TNRC6B: variants seen among roughly 807,000 people sequenced by gnomAD.
TNRC6B encodes trinucleotide repeat containing adaptor 6B.
In TNRC6B, 52 loss-of-function variants were observed where a neutral mutation model predicts 203.6. The observed-to-expected ratio is 0.26, with a 90% CI of 0.20 to 0.32. The LOEUF (loss-of-function observed/expected upper bound fraction) is 0.32. Ranked by LOEUF, TNRC6B falls within the 10% of genes least tolerant of loss-of-function variation. The pLI, the probability that TNRC6B is intolerant of heterozygous loss-of-function variation, is 1.00. For missense variants in TNRC6B, 1,923 were observed against 2,286.2 expected (o/e 0.84, Z 3.24); for synonymous variants, 838 against 845.7 (o/e 0.99, Z 0.16).
intron 1 of TNRC6B, among the ~76,000 whole-genome samples, chr22:40,083,804 G>A (rs925174944): frequency 1.3e-5 from 2 of 152,132 alleles, no homozygotes; most frequent in African/African-American, 4.8e-5. Flanking sequence ...TATACAACTG[G>A]TCGTGAGATA....
At chr22:40,177,883 T>G (rs1569009159), upstream of TNRC6B, 15 of 1,320,410 alleles carry the variant, frequency 1.1e-5, no homozygotes, top group Non-Finnish European at 1.2e-5. Context: ...CGAAGTCACA[T>G]GATCTGCCTC....
intron 1 of TNRC6B, among the ~76,000 whole-genome samples, chr22:40,183,533 A>T (rs1362387313): frequency 6.6e-6 from 1 of 152,152 alleles, no homozygotes; most frequent in Non-Finnish European, 1.5e-5. Context: ...TTTTTCATAC[A>T]TTCTGTGCTT....
upstream of TNRC6B, among the ~76,000 whole-genome samples, chr22:40,176,412 C>T (rs966774390): frequency 2.6e-5 from 4 of 152,094 alleles, no homozygotes; most frequent in Non-Finnish European, 5.9e-5. Flanking sequence ...CAGGTATGAG[C>T]CACCGCACCC....
At chr22:40,285,824 A>G (rs1184761931) in intron 12 of TNRC6B, 54 bp downstream of exon 12, 2 of 1,597,786 alleles carry the variant, frequency 1.3e-6, no homozygotes, top group East Asian at 4.5e-5. Flanking sequence ...TCACATCATT[A>G]CCAGTTGTTA....
intron 1 of TNRC6B, among the ~76,000 whole-genome samples, chr22:40,189,079 G>A (rs1164217078): frequency 1.3e-5 from 2 of 152,042 alleles, no homozygotes; most frequent in African/African-American, 4.8e-5. Flanking sequence ...AACCAGATTT[G>A]TTAGTGACTT....
At chr22:40,050,178 C>T (rs548877450) in intron 1 of TNRC6B, among the ~76,000 whole-genome samples, 5 of 152,240 alleles carry the variant, frequency 3.3e-5, no homozygotes, top group African/African-American at 9.6e-5. Context: ...CAAGCCAGCC[C>T]GGATCCAGCG....
chr22:40,061,092 G>C (rs1227806176), intron 1 of TNRC6B, among the ~76,000 whole-genome samples: 2 of 152,028 alleles, frequency 1.3e-5, no homozygotes, highest in East Asian at 1.9e-4. Flanking sequence ...AATTCTTTTT[G>C]GTACACTTTG....
chr22:40,110,327 G>T (rs1444154126), intron 1 of TNRC6B, among the ~76,000 whole-genome samples: 1 of 152,120 alleles, frequency 6.6e-6, no homozygotes, highest in Non-Finnish European at 1.5e-5. Context: ...ATAAAACCTG[G>T]ACATAGGCCC....
chr22:40,255,527 A>G (rs372651252), intron 3 of TNRC6B, among the ~76,000 whole-genome samples: 24 of 152,338 alleles, frequency 1.6e-4, no homozygotes, highest in African/African-American at 5.8e-4. Flanking sequence ...TGTGTGTTCT[A>G]ACACAGTGGT....
In TNRC6B at chr22:40,266,269, G is replaced by T. The variant is rs750268759; in HGVS notation, c.2039G>T (p.Trp680Leu). 1.2e-5 allele frequency: 19 copies of T among 1,593,390 alleles called. 1 individual carries two copies. The highest frequency in any genetic ancestry group is 5.4e-5 in the Admixed American group (3 of 55,746). Residue 680 changes from tryptophan to leucine, a missense_variant, in exon 5 of 23, where the codon TGG becomes TTG. Transcript: ENST00000454349. ...PSQSNQMKSG[W>L]GELSASTEWK... ...CAAAGCAATCAAATGAAGTCTGGAT[G>T]GGGGGAGCTCTCAGCCTCTACAGAG...
chr22:40,303,153 C>A (rs2071047709), intron 15 of TNRC6B, among the ~76,000 whole-genome samples: 1 of 150,906 alleles, frequency 6.6e-6, no homozygotes, highest in Non-Finnish European at 1.5e-5. Context: ...CCTCAGCCTC[C>A]TGAGTAGATG....
intron 22 of TNRC6B, among the ~76,000 whole-genome samples, chr22:40,321,977 G>C (rs1303995003): frequency 1.3e-5 from 2 of 152,082 alleles, no homozygotes; most frequent in Non-Finnish European, 2.9e-5. Context: ...ACTGGTGGAC[G>C]GAGAAGACCT....
At chr22:40,187,727 T>C (rs2069222193) in intron 1 of TNRC6B, among the ~76,000 whole-genome samples, 1 of 152,186 alleles carries the variant, frequency 6.6e-6, no homozygotes, top group Admixed American at 6.5e-5. Context: ...TATCTCACTT[T>C]TCTCCGTTTA....
At chr22:40,316,346 T>G (rs1455800538) in intron 21 of TNRC6B, among the ~76,000 whole-genome samples, 2 of 144,240 alleles carry the variant, frequency 1.4e-5, no homozygotes, top group Non-Finnish European at 3.0e-5. Context: ...AGAGTGAGAC[T>G]CCATCTCAAA....
intron 1 of TNRC6B, among the ~76,000 whole-genome samples, chr22:40,185,000 T>C (rs1014470017): frequency 1.3e-5 from 2 of 152,176 alleles, no homozygotes; most frequent in Non-Finnish European, 2.9e-5. Flanking sequence ...ACCAAATTTT[T>C]TTTTGTTCTT....
At chr22:40,214,817 G>A (rs1029793439) in intron 1 of TNRC6B, among the ~76,000 whole-genome samples, 1 of 152,152 alleles carries the variant, frequency 6.6e-6, no homozygotes, top group Non-Finnish European at 1.5e-5. Context: ...GCCTCCCAAA[G>A]TGCTGAGATT....
intron 12 of TNRC6B, among the ~76,000 whole-genome samples, chr22:40,288,839 CTTTT>C (rs1224962691): frequency 9.5e-6 from 1 of 105,096 alleles, no homozygotes; most frequent in Non-Finnish European, 1.9e-5. Context: ...CTGTGCCCAG[CTTTT>C]TTTTTTTTTT....
chr22:40,109,811 A>G (rs1374776386), intron 1 of TNRC6B, among the ~76,000 whole-genome samples: 1 of 152,152 alleles, frequency 6.6e-6, no homozygotes, highest in Non-Finnish European at 1.5e-5. Context: ...TACGTTCTCT[A>G]AACTTCTGTG....
rs35575346 is a variant in TNRC6B, at chr22:40,269,126, CTTTTTTTTTTTTTTTTT to C, written c.2807-985_2807-969del. On this transcript the variant is annotated intron_variant, in intron 5 of 22. Transcript: ENST00000454349. ...CTTAATTGCTTCATATACAGTATTT[CTTTTTTTTTTTTTTTTT>C]TTTTTTTTTTGAGAGGGAGTCTCAC... is the stretch of plus-strand genomic sequence containing the variant. Among the ~76,000 whole-genome samples, 4 of 57,878 alleles carry C rather than the reference CTTTTTTTTTTTTTTTTT, an allele frequency of 6.9e-5. No individual in the cohort carries two copies. The Admixed American group carries it at 8.4e-4, about 12-fold the overall frequency. The allele number at this position is 57,878 out of a possible 152,430, so 38.0% of individuals were successfully genotyped here. A position where few individuals can be genotyped will look rare whatever the true frequency, so the allele number is the denominator to read the frequency against.
Sources: gnomAD v4.1 joint callset for allele counts (sites outside exome capture counted in the v4.1 genomes callset) on GRCh38, gnomAD v4.1.1 for gene constraint, MANE v1.5 for transcripts, NCBI Gene and HGNC (gene_info 2026-07-23, HGNC 2026-07-21) for gene names.